The following BACH2 variants were observed in gnomAD, a reference collection of about 807,000 sequenced individuals.
BACH2 encodes BACH transcriptional regulator 2.
Under a neutral mutation model 61.8 loss-of-function variants are expected in BACH2, and 5 were observed. That is an observed-to-expected ratio of 0.08 (90% CI 0.04 to 0.17). The LOEUF (loss-of-function observed/expected upper bound fraction) is 0.17, where lower values mean the gene tolerates loss of function less well. Ranked by LOEUF, BACH2 falls within the 10% of genes least tolerant of loss-of-function variation. The pLI, the probability that BACH2 is intolerant of heterozygous loss-of-function variation, is 1.00. For synonymous variants in BACH2, 446 were observed against 440.1 expected (o/e 1.01, Z -0.17); for missense variants, 824 against 1,091.1 (o/e 0.76, Z 3.45).
At chr6:90,166,582 G>A (rs1333934083) in intron 4 of BACH2, among the ~76,000 whole-genome samples, 2 of 152,158 alleles carry the variant, frequency 1.3e-5, no homozygotes, top group African/African-American at 2.4e-5. Flanking sequence ...TATAAATCAT[G>A]CTGCTATAAA....
chr6:90,157,079 T>C (rs1785021001), intron 4 of BACH2, among the ~76,000 whole-genome samples: 1 of 152,228 alleles, frequency 6.6e-6, no homozygotes, highest in African/African-American at 2.4e-5. Context: ...TTGCTGGGTA[T>C]GACTTAACCT....
At chr6:90,097,429 C>G (rs1782426177) in intron 4 of BACH2, among the ~76,000 whole-genome samples, 1 of 152,194 alleles carries the variant, frequency 6.6e-6, no homozygotes, top group Admixed American at 6.5e-5. Flanking sequence ...GGCTTAACAT[C>G]TGCTTTGGGA....
chr6:89,985,305 A>T (rs10944469), intron 6 of BACH2, among the ~76,000 whole-genome samples: 15,311 of 152,124 alleles, frequency 0.1, 1,058 homozygotes, highest in African/African-American at 0.19. Flanking sequence ...GCCACCTGGG[A>T]TTCTCATCTG....
chr6:90,052,159 T>C (rs1412420516), intron 5 of BACH2, among the ~76,000 whole-genome samples: 1 of 152,230 alleles, frequency 6.6e-6, no homozygotes, highest in East Asian at 1.9e-4. Context: ...ATATTCTATT[T>C]GTTTGATGCA....
At position 89,951,915 on chromosome 6, in the gene BACH2, C is replaced by G; in HGVS notation, c.244-53G>C. On this transcript the variant is annotated intron_variant, in intron 6 of 8. Coordinates refer to ENST00000257749, the MANE Select transcript of BACH2 (RefSeq NM_021813.4). The surrounding 1 kb of genome is among the most constrained non-coding windows in gnomAD (Gnocchi z 6.4). ...CATTACCATCAGCACTGCTATTGTC[C>G]CGAATCCCTCAACTGAAGCAAGATA... The G allele has an allele frequency of 6.4e-7, 1 of 1,567,524 alleles. No homozygotes were observed. The highest frequency in any genetic ancestry group is 1.3e-5 in the African/African-American group (1 of 74,194).
intron 5 of BACH2, among the ~76,000 whole-genome samples, chr6:90,057,098 C>A (rs1260888297): frequency 6.6e-6 from 1 of 152,012 alleles, no homozygotes; most frequent in Non-Finnish European, 1.5e-5. Context: ...CAAAAGCTAG[C>A]AGAAGGCAAG....
At chr6:90,158,347 T>G (rs2501715) in intron 4 of BACH2, among the ~76,000 whole-genome samples, 1,851 of 152,304 alleles carry the variant, frequency 0.012, 28 homozygotes, top group African/African-American at 0.042. Flanking sequence ...AGTGTGACTA[T>G]CAAATGGCCA....
chr6:90,123,265 G>A (rs1783706693), intron 4 of BACH2, among the ~76,000 whole-genome samples: 1 of 152,194 alleles, frequency 6.6e-6, no homozygotes. Context: ...CATGAGCTGA[G>A]GAACACCTGG....
chr6:89,953,802 G>A (rs938014254), intron 6 of BACH2, among the ~76,000 whole-genome samples: 1 of 152,144 alleles, frequency 6.6e-6, no homozygotes, highest in Non-Finnish European at 1.5e-5. Context: ...TTGGAGCAAG[G>A]CATCATGTAA....
intron 3 of BACH2, among the ~76,000 whole-genome samples, chr6:90,247,028 A>C (rs969524401): frequency 9.2e-5 from 14 of 152,182 alleles, no homozygotes; most frequent in African/African-American, 1.4e-4. Context: ...TGAAAAAAAA[A>C]CCTTCAAATG....
At chr6:90,015,251 T>TA (rs1159851266) in intron 5 of BACH2, among the ~76,000 whole-genome samples, 1 of 152,186 alleles carries the variant, frequency 6.6e-6, no homozygotes, top group Non-Finnish European at 1.5e-5. Flanking sequence ...TTAGTTTTTT[T>TA]AAATTATTCT....
chr6:90,236,593 T>C (rs1260472545), intron 3 of BACH2, among the ~76,000 whole-genome samples: 1 of 152,198 alleles, frequency 6.6e-6, no homozygotes, highest in East Asian at 1.9e-4. Flanking sequence ...GTATGGAAGA[T>C]GAACCAAGGG....
intron 6 of BACH2, among the ~76,000 whole-genome samples, chr6:89,982,323 G>T (rs1276667503): frequency 6.6e-6 from 1 of 152,066 alleles, no homozygotes; most frequent in African/African-American, 2.4e-5. Flanking sequence ...TTGGGCACGT[G>T]GGGGTGGGGT....
intron 5 of BACH2, among the ~76,000 whole-genome samples, chr6:90,070,801 A>C (rs1781190089): frequency 6.6e-6 from 1 of 152,162 alleles, no homozygotes; most frequent in South Asian, 2.1e-4. Context: ...TAGAATAACA[A>C]ATGTCTTTCA....
intron 1 of BACH2, among the ~76,000 whole-genome samples, chr6:90,289,165 T>C (rs958811413): frequency 6.6e-6 from 1 of 152,226 alleles, no homozygotes; most frequent in African/African-American, 2.4e-5. Flanking sequence ...TAGAGTGAGA[T>C]GACCTTTATT....
chr6:90,224,483 T>C (rs206915), intron 3 of BACH2, among the ~76,000 whole-genome samples: 11,810 of 152,208 alleles, frequency 0.078, 1,471 homozygotes, highest in African/African-American at 0.26. Context: ...AAGTTCCTAA[T>C]CAATGATTCA....
chr6:90,161,082 G>A (rs1238251496), intron 4 of BACH2, among the ~76,000 whole-genome samples: 4 of 90,544 alleles, frequency 4.4e-5, no homozygotes, highest in African/African-American at 6.1e-5. Context: ...GCGAGACTCC[G>A]TCTCAAAAAA....
In BACH2 at chr6:89,933,611, C is replaced by T. The variant is rs572490472; in HGVS notation, c.2044-721G>A. Among the ~76,000 whole-genome samples, 6 of 152,010 alleles carry T rather than the reference C, an allele frequency of 3.9e-5. No individual in the cohort carries two copies. In the South Asian group the frequency reaches 1.2e-3, roughly 32 times the overall value. On this transcript the variant is annotated intron_variant, in intron 8 of 8. Transcript: ENST00000257749. ...TGGGGGATGCTGACAGTGGGGGAGG[C>T]TGTGTGTGTGGGAACAGGACCATAT...
At chr6:90,148,510 A>G (rs1347305451) in intron 4 of BACH2, among the ~76,000 whole-genome samples, 1 of 152,168 alleles carries the variant, frequency 6.6e-6, no homozygotes, top group African/African-American at 2.4e-5. Flanking sequence ...GAAAAACTAG[A>G]CAACGGTGGA....
Sources: allele counts gnomAD v4.1 joint callset (sites outside exome capture counted in the v4.1 genomes callset), GRCh38; gene constraint gnomAD v4.1.1; non-coding constraint Gnocchi (gnomAD v3.1); transcripts MANE v1.5; gene names NCBI Gene and HGNC (gene_info 2026-07-23, HGNC 2026-07-21).